Variants in NMT2 observed in about 807,000 individuals in gnomAD.
NMT2 encodes the protein N-myristoyltransferase 2.
NMT2 carries 35 observed loss-of-function variants against 65.4 expected under a neutral mutation model. That is an observed-to-expected ratio of 0.54 (90% CI 0.41 to 0.71). NMT2 has a LOEUF of 0.71. Among genes scored for constraint, NMT2 ranks in the 30% least tolerant of loss-of-function variants. The probability of loss-of-function intolerance (pLI) is 0.00; values close to 1 mark genes in which losing one functional copy is unlikely to be tolerated. For synonymous variants in NMT2, 226 were observed against 231.8 expected (o/e 0.98, Z 0.23); for missense variants, 489 against 611.3 (o/e 0.80, Z 2.11).
intron 9 of NMT2, among the ~76,000 whole-genome samples, chr10:15,114,028 TC>T (rs933675860): frequency 2.0e-5 from 3 of 152,180 alleles, no homozygotes; most frequent in African/African-American, 7.2e-5. Context: ...AAAAGGAAAT[TC>T]CAGAAGGATG....
intron 1 of NMT2, among the ~76,000 whole-genome samples, chr10:15,144,372 C>A (rs202224760): frequency 6.6e-6 from 1 of 152,030 alleles, no homozygotes; most frequent in Non-Finnish European, 1.5e-5. Context: ...ATGAAGGAAA[C>A]GAGACTTTGA....
intron 3 of NMT2, among the ~76,000 whole-genome samples, 169 bp from the exon 4 acceptor site, chr10:15,133,532 G>A (rs897056973): frequency 1.3e-5 from 2 of 152,186 alleles, no homozygotes; most frequent in African/African-American, 4.8e-5. Flanking sequence ...CCTCTGGACT[G>A]AAACAGGAAA....
At chr10:15,142,074 C>T (rs954482003) in intron 1 of NMT2, among the ~76,000 whole-genome samples, 1 of 152,174 alleles carries the variant, frequency 6.6e-6, no homozygotes, top group Non-Finnish European at 1.5e-5. Flanking sequence ...GAGAGAGACC[C>T]TGTCACAAAC....
At chr10:15,160,915 A>G (rs1833166856) in intron 1 of NMT2, among the ~76,000 whole-genome samples, 1 of 151,534 alleles carries the variant, frequency 6.6e-6, no homozygotes, top group Non-Finnish European at 1.5e-5. Context: ...AAGATTACCT[A>G]TAAAAGACAG....
chr10:15,144,894 G>A (rs750259129), intron 1 of NMT2, among the ~76,000 whole-genome samples: 9 of 152,118 alleles, frequency 5.9e-5, no homozygotes, highest in Admixed American at 2.0e-4. Context: ...CATTACACTC[G>A]TAAGTACATA....
At position 15,133,121 on chromosome 10, in the gene NMT2, TAAC is replaced by T; in HGVS notation, c.531_533del (p.Leu178del). The T allele has an allele frequency of 6.2e-7, 1 of 1,613,922 alleles. No homozygotes were observed. Among genetic ancestry groups the T allele is most frequent in the South Asian group, 1.1e-5 (1 of 91,074 alleles). The stretch of plus-strand genomic sequence containing the variant: ...CATCATCTTCTACGTAATTCTCATT[TAAC>T]AACGTGTATAACTCCTTGAGCTATA... On this transcript the variant is annotated inframe_deletion, in exon 5 of 12. Transcript: ENST00000378165.
At chr10:15,150,330 G>A (rs1832759120) in intron 1 of NMT2, among the ~76,000 whole-genome samples, 1 of 152,178 alleles carries the variant, frequency 6.6e-6, no homozygotes, top group African/African-American at 2.4e-5. Flanking sequence ...GCAGTTCAGG[G>A]TTTGAAGAAG....
rs1367836878 is a variant in NMT2, at chr10:15,106,390, T to A, written c.*2805A>T. 1 of 152,788 alleles carries A rather than the reference T, an allele frequency of 6.5e-6. No homozygotes were observed. The highest frequency in any genetic ancestry group is 1.5e-5 in the Non-Finnish European group (1 of 68,384). 9.5% of individuals were successfully genotyped at this position (152,788 alleles called of 1,614,324 possible). On this transcript the variant is annotated 3_prime_UTR_variant, in exon 12 of 12. Coordinates refer to ENST00000378165, the MANE Select transcript of NMT2 (RefSeq NM_004808.3). ...CTAAATTAGAGCCTTGACTCCAGGT[T>A]AAGTCAAAATCTCATTTACTTAATG...
intron 8 of NMT2, among the ~76,000 whole-genome samples, chr10:15,127,048 T>A (rs7916022): frequency 6.6e-6 from 1 of 150,844 alleles, no homozygotes; most frequent in Admixed American, 6.6e-5. Flanking sequence ...CTGGCCAACA[T>A]GGTGAAACCC....
At chr10:15,141,359 A>T (rs1846749443) in intron 2 of NMT2, 63 bp downstream of exon 2, 1 of 1,594,910 alleles carries the variant, frequency 6.3e-7, no homozygotes, top group East Asian at 2.2e-5. Context: ...AGCGCGCTAA[A>T]CTGCGTAAAC....
At chr10:15,109,913 A>G in intron 10 of NMT2, 74 bp from the exon 11 acceptor site, 1 of 1,174,740 alleles carries the variant, frequency 8.5e-7, no homozygotes, top group Non-Finnish European at 1.2e-6. Flanking sequence ...TCAGTTTAAC[A>G]ATTCTACTAA....
chr10:15,134,104 C>A (rs1331736612), intron 3 of NMT2, among the ~76,000 whole-genome samples: 1 of 152,178 alleles, frequency 6.6e-6, no homozygotes, highest in Non-Finnish European at 1.5e-5. Context: ...GTGACCTCTG[C>A]CCCTCCCAGC....
At position 15,163,827 on chromosome 10, in the gene NMT2, C is replaced by T. The variant is rs531726756; in HGVS notation, c.110+4676G>A. Among the ~76,000 whole-genome samples the T allele has an allele frequency of 5.3e-5, 8 of 152,210 alleles. No homozygotes were observed. The East Asian group carries it at 1.5e-3, about 29-fold the overall frequency. On this transcript the variant is annotated intron_variant, in intron 1 of 11. Transcript: ENST00000378165. ...ATTATGTTCTTTGTTAAAAGAATTC[C>T]AAAGTTTTCATCTTTGTCCAATACC...
intron 1 of NMT2, among the ~76,000 whole-genome samples, chr10:15,149,495 A>T (rs1847093062): frequency 7.6e-6 from 1 of 131,446 alleles, no homozygotes; most frequent in Non-Finnish European, 1.6e-5. Flanking sequence ...CATCATCACC[A>T]TCATCACCAC....
chr10:15,151,897 G>A (rs919492470), intron 1 of NMT2, among the ~76,000 whole-genome samples: 7 of 152,002 alleles, frequency 4.6e-5, no homozygotes, highest in Admixed American at 1.3e-4. Context: ...GTGGTGGCAC[G>A]CGCCTGTAAT....
intron 1 of NMT2, among the ~76,000 whole-genome samples, chr10:15,154,049 G>A (rs769001742): frequency 1.1e-4 from 16 of 152,328 alleles, no homozygotes; most frequent in Non-Finnish European, 1.5e-4. Context: ...TTTATCTTTC[G>A]TGAAAAGGTC....
intron 1 of NMT2, chr10:15,155,347 C>G (rs779398124): frequency 1.1e-6 from 1 of 940,154 alleles, no homozygotes; most frequent in Non-Finnish European, 1.7e-6. Flanking sequence ...CTCCTGGTGG[C>G]GGTGGCGTCT....
chr10:15,132,513 C>T (rs916622287), intron 6 of NMT2, among the ~76,000 whole-genome samples: 8 of 151,904 alleles, frequency 5.3e-5, no homozygotes, highest in African/African-American at 1.2e-4. Context: ...CTGCAACCTC[C>T]GCCTCCTGGG....
intron 1 of NMT2, among the ~76,000 whole-genome samples, chr10:15,158,419 T>C (rs903545655): frequency 5.9e-5 from 9 of 151,870 alleles, no homozygotes; most frequent in African/African-American, 2.2e-4. Flanking sequence ...AACTAAAAAC[T>C]CTACAGCCAA....
Sources: allele counts gnomAD v4.1 joint callset (sites outside exome capture counted in the v4.1 genomes callset), GRCh38; gene constraint gnomAD v4.1.1; transcripts MANE v1.5; gene names NCBI Gene and HGNC (gene_info 2026-07-23, HGNC 2026-07-21).